Variants in RNF213 observed in about 807,000 individuals in gnomAD.
The protein encoded by RNF213 is ring finger protein 213, also known as E3 ubiquitin-protein ligase RNF213.
Under a neutral mutation model 514.4 loss-of-function variants are expected in RNF213, and 341 were observed. The observed-to-expected ratio is 0.66, with a 90% CI of 0.61 to 0.73. The LOEUF is 0.73. RNF213 is among the 30% of genes least tolerant of loss of function. RNF213 has a pLI of 0.00. For synonymous variants in RNF213, 2,655 were observed against 2,658.2 expected (o/e 1.00, Z 0.04); for missense variants, 5,767 against 6,615.6 (o/e 0.87, Z 4.45).
chr17:80,393,524 T>G lies in RNF213; in HGVS notation c.*26T>G. On this transcript the variant is annotated 3_prime_UTR_variant, in exon 68 of 68. Transcript: ENST00000582970. ...AATTATTTCCTCAGCTATCTTTGGA[T>G]GACTTTGGAGAGAAGACTCCTCTCT... 1 of 1,613,022 alleles carries G rather than the reference T, an allele frequency of 6.2e-7. No individual in the cohort carries two copies. Among genetic ancestry groups the G allele is most frequent in the Non-Finnish European group, 8.5e-7 (1 of 1,179,500 alleles).
intron 17 of RNF213, among the ~76,000 whole-genome samples, chr17:80,324,020 T>C (rs1298844827): frequency 6.6e-6 from 1 of 152,182 alleles, no homozygotes; most frequent in Non-Finnish European, 1.5e-5. Flanking sequence ...TTAAATTTTC[T>C]ATACATAAGA....
At chr17:80,337,553 C>T (rs372677556) in intron 23 of RNF213, 33 bp from the exon 24 acceptor site, 37 of 1,534,080 alleles carry the variant, frequency 2.4e-5, no homozygotes, top group Admixed American at 9.8e-5. Flanking sequence ...TCGCTCCAAC[C>T]GTGGCCCGTG....
chr17:80,345,600 C>T lies in RNF213; in HGVS notation c.7265C>T (p.Thr2422Ile). 1 of 1,613,988 alleles carries T rather than the reference C, an allele frequency of 6.2e-7. No individual in the cohort carries two copies. The highest frequency in any genetic ancestry group is 8.5e-7 in the Non-Finnish European group (1 of 1,179,882). Residue 2422 changes from threonine to isoleucine, a missense_variant, in exon 29 of 68, where the codon ACT becomes ATT. Around this residue, in one of 13 missense-constraint regions of RNF213, gnomAD observed 1,377 missense variants for 1,635.2 expected, o/e 0.84. Transcript: ENST00000582970. The surrounding 1 kb of genome is among the most constrained non-coding windows in gnomAD (Gnocchi z 6.0). ...CGIPVIIMGE[T>I]GCGKTRLIKF... ...ATCCCGGTTATCATCATGGGAGAAA[C>T]TGGCTGTGGGAAAACCAGGCTTATT...
At chr17:80,299,228 C>T (rs2045082235) in intron 11 of RNF213, among the ~76,000 whole-genome samples, 1 of 96,578 alleles carries the variant, frequency 1.0e-5, no homozygotes, top group Non-Finnish European at 2.2e-5. Context: ...CTTAGCGTTC[C>T]AGCCAGAGAG....
intron 2 of RNF213, among the ~76,000 whole-genome samples, chr17:80,271,426 C>G (rs1279111560): frequency 6.6e-6 from 1 of 152,168 alleles, no homozygotes; most frequent in Non-Finnish European, 1.5e-5. Context: ...AGTGACGAAA[C>G]CAGGTGCTGG....
intron 3 of RNF213, among the ~76,000 whole-genome samples, chr17:80,277,678 C>T (rs946960331): frequency 4.0e-5 from 6 of 151,750 alleles, no homozygotes; most frequent in Admixed American, 1.3e-4. Context: ...AGGTGAATGC[C>T]GATGGGTTGT....
chr17:80,325,163 C>T lies in RNF213; in HGVS notation c.3158C>T (p.Thr1053Met), dbSNP rs907699485. Reference protein sequence around the residue: ...NFDDILKHLLTLADVKHVFRL... With the variant: ...NFDDILKHLLMLADVKHVFRL... ...GATGACATTTTAAAGCATCTGCTCA[C>T]GTTGGCAGATGTCAAGCACGTCTTC... The change falls in exon 18 of 68, where the codon ACG (threonine) becomes ATG (methionine). Residue 1053 changes from threonine to methionine, a missense_variant. Thr to Met is a moderately conservative substitution (Grantham distance 81). Coordinates refer to ENST00000582970, the MANE Select transcript of RNF213 (RefSeq NM_001256071.3). 9 of 1,535,646 alleles carry T rather than the reference C, an allele frequency of 5.9e-6. No homozygotes were observed. The highest frequency in any genetic ancestry group is 4.9e-5 in the East Asian group (2 of 40,888).
Position 80,360,365 on chromosome 17 carries a change from G to A in RNF213, c.11200+159G>A, listed in dbSNP as rs150512716. On this transcript the variant is annotated intron_variant, in intron 38 of 67. Transcript: ENST00000582970. ...CAGTAAGCGTCCAATTTACGTCACC[G>A]CGTCATTTTAAAGTTTCTGCTGAAG... 1,687 of 810,336 alleles carry A rather than the reference G, an allele frequency of 2.1e-3. 8 individuals are homozygous for A. The highest frequency in any genetic ancestry group is 0.016 in the African/African-American group (921 of 58,902). The allele number at this position is 810,336 out of a possible 1,614,324, so 50.2% of individuals were successfully genotyped here. A position where few individuals can be genotyped will look rare whatever the true frequency, so the allele number is the denominator to read the frequency against.
chr17:80,286,209 G>T (rs1464658893), intron 3 of RNF213, among the ~76,000 whole-genome samples: 1 of 151,896 alleles, frequency 6.6e-6, no homozygotes, highest in Non-Finnish European at 1.5e-5. Flanking sequence ...TCGGACGCAG[G>T]CCGGTGTTGG....
intron 14 of RNF213, among the ~76,000 whole-genome samples, chr17:80,310,084 T>C (rs1306997788): frequency 6.6e-6 from 1 of 151,878 alleles, no homozygotes; most frequent in Non-Finnish European, 1.5e-5. Flanking sequence ...GTCTTCCAGC[T>C]TTGACCTTTC....
rs771047598 is a variant in RNF213 at position 80,319,440 on chromosome 17, C to G, written c.3024+128C>G. The G allele has an allele frequency of 3.1e-6, 5 of 1,614,212 alleles. No homozygotes were observed. In the East Asian group the frequency reaches 1.1e-4, roughly 36 times the overall value. ...GCTAACTCAGAGATTGGGAAGTGGG[C>G]ACCCTCCTCCCTCGCCAAGGGCAAT... On this transcript the variant is annotated intron_variant, in intron 17 of 67. Coordinates refer to ENST00000582970, the MANE Select transcript of RNF213 (RefSeq NM_001256071.3).
rs139842089 is a variant in RNF213 at position 80,360,486 on chromosome 17, C to T, written c.11200+280C>T. 2.7e-4 allele frequency: 125 copies of T among 457,226 alleles called. 1 individual carries two copies. The highest frequency in any genetic ancestry group is 1.7e-3 in the African/African-American group (86 of 50,634). 28.3% of individuals were successfully genotyped at this position (457,226 alleles called of 1,614,324 possible). A position where few individuals can be genotyped will look rare whatever the true frequency, so the allele number is the denominator to read the frequency against. Reference sequence around the variant, plus strand: ...AGTGCCGTGATGGCCAGGGATATGGCGAAATGGGGTGTGTTCTGGCAAGAG... The same window carrying T: ...AGTGCCGTGATGGCCAGGGATATGGTGAAATGGGGTGTGTTCTGGCAAGAG... On this transcript the variant is annotated intron_variant, in intron 38 of 67. Coordinates refer to ENST00000582970, the MANE Select transcript of RNF213 (RefSeq NM_001256071.3).
At chr17:80,300,687 G>T (rs951511040) in intron 11 of RNF213, among the ~76,000 whole-genome samples, 1 of 151,852 alleles carries the variant, frequency 6.6e-6, no homozygotes, top group African/African-American at 2.4e-5. Context: ...CTGGGTAGCT[G>T]GGACCACAGG....
intron 11 of RNF213, among the ~76,000 whole-genome samples, chr17:80,303,080 A>G (rs2045234668): frequency 6.6e-6 from 1 of 152,180 alleles, no homozygotes. Context: ...TTGTGCCAGG[A>G]AGTACTACTC....
chr17:80,299,534 G>GTTTATTTA (rs149502065), intron 11 of RNF213, among the ~76,000 whole-genome samples: 16,404 of 149,878 alleles, frequency 0.11, 1,034 homozygotes, highest in African/African-American at 0.16. Flanking sequence ...ACCAGAGAAA[G>GTTTATTTA]TTTATTTATT....
Position 80,373,060 on chromosome 17 carries a change from G to C in RNF213, c.12837G>C (p.Leu4279=), listed in dbSNP as rs765116016. The change falls in exon 49 of 68, where the codon CTG becomes CTC. Residue 4279 remains leucine, a synonymous_variant. Coordinates refer to ENST00000582970, the MANE Select transcript of RNF213 (RefSeq NM_001256071.3). ...RVENDWHRVY[L]VRKLSSQRGM... is the part of the protein sequence containing the mutation. ...AGAACGACTGGCACCGGGTGTACCT[G>C]GTGCGGAAGCTCAGCAGCCAGCGGG... The C allele has an allele frequency of 2.5e-6, 4 of 1,614,002 alleles. No individual in the cohort carries two copies. The South Asian group carries it at 4.4e-5, about 18-fold the overall frequency.
intron 63 of RNF213, 151 bp downstream of exon 63, chr17:80,387,042 C>T (rs955552483): frequency 2.1e-5 from 16 of 773,802 alleles, no homozygotes; most frequent in African/African-American, 6.8e-5. Context: ...GAGGCCACCA[C>T]GCCACCTGTA....
rs1257976035 is a variant in RNF213 at position 80,290,689 on chromosome 17, C to T, written c.1232C>T (p.Ser411Leu). ...FIRGGEEFGE[S>L]KWDSNICELH... Reference sequence around the variant, plus strand: ...AGAGGAGGAGAAGAATTTGGGGAGTCAAAATGGGACAGCAATATCTGTGAG... The same window carrying T: ...AGAGGAGGAGAAGAATTTGGGGAGTTAAAATGGGACAGCAATATCTGTGAG... Residue 411 changes from serine to leucine, a missense_variant, in exon 7 of 68, where the codon TCA becomes TTA. Physicochemically the swap from Ser to Leu is moderately radical, Grantham distance 145. Around this residue, in one of 13 missense-constraint regions of RNF213, gnomAD observed 592 missense variants for 673.9 expected, o/e 0.88. Coordinates refer to ENST00000582970, the MANE Select transcript of RNF213 (RefSeq NM_001256071.3). 6.2e-7 allele frequency: 1 copy of T among 1,613,992 alleles called. No individual in the cohort carries two copies. Among genetic ancestry groups the T allele is most frequent in the Non-Finnish European group, 8.5e-7 (1 of 1,180,030 alleles).
intron 63 of RNF213, among the ~76,000 whole-genome samples, chr17:80,387,953 A>ATTTT (rs35624579): frequency 7.2e-5 from 8 of 111,348 alleles, no homozygotes; most frequent in South Asian, 2.6e-4. Flanking sequence ...GAGCCCATGG[A>ATTTT]TTTTTTTTTT....
Sources: allele counts gnomAD v4.1 joint callset (sites outside exome capture counted in the v4.1 genomes callset), GRCh38; gene constraint gnomAD v4.1.1; regional missense constraint gnomAD v4.1.1; non-coding constraint Gnocchi (gnomAD v3.1); transcripts MANE v1.5; gene names NCBI Gene and HGNC (gene_info 2026-07-23, HGNC 2026-07-21).